The following HEATR4 variants were observed in gnomAD, a reference collection of about 807,000 sequenced individuals.
HEATR4 encodes HEAT repeat-containing protein 4.
In HEATR4, 95 loss-of-function variants were observed where a neutral mutation model predicts 108.8. The observed-to-expected ratio is 0.87, with a 90% CI of 0.74 to 1.04. The LOEUF (loss-of-function observed/expected upper bound fraction) is 1.04, where lower values mean the gene tolerates loss of function less well. Ranked by LOEUF, HEATR4 falls within the 50% of genes least tolerant of loss-of-function variation. The probability of loss-of-function intolerance (pLI) is 0.00; values close to 1 mark genes in which losing one functional copy is unlikely to be tolerated. For synonymous variants in HEATR4, 443 were observed against 459.4 expected (o/e 0.96, Z 0.46); for missense variants, 1,152 against 1,253.8 (o/e 0.92, Z 1.23).
the HEATR4 span, chr14:73,581,179 C>T: frequency 1.4e-5 from 2 of 147,972 alleles, no homozygotes; most frequent in Non-Finnish European, 3.0e-5. Context: ...TTAGTCTCTT[C>T]AACTGCTGTA....
intron 17 of HEATR4, among the ~76,000 whole-genome samples, chr14:73,487,443 G>C (rs1885495578): frequency 6.6e-6 from 1 of 152,286 alleles, no homozygotes; most frequent in East Asian, 1.9e-4. Context: ...GGGGGTGCCT[G>C]TAATCCCAGC....
chr14:73,495,971 T>C (rs1376854864), intron 15 of HEATR4, among the ~76,000 whole-genome samples: 1 of 151,976 alleles, frequency 6.6e-6, no homozygotes, highest in African/African-American at 2.4e-5. Context: ...CCACTAAAAA[T>C]ACAAAAAAAT....
the HEATR4 span, among the ~76,000 whole-genome samples, chr14:73,608,915 G>C: frequency 6.6e-6 from 1 of 152,128 alleles, no homozygotes; most frequent in Admixed American, 6.6e-5. Context: ...CTGAGCAAAA[G>C]GGGGAAAGCC....
At chr14:73,511,460 A>G (rs565724082) in intron 7 of HEATR4, among the ~76,000 whole-genome samples, 2 of 152,076 alleles carry the variant, frequency 1.3e-5, no homozygotes, top group East Asian at 1.9e-4. Flanking sequence ...TGGAGGTTGC[A>G]GTGAGCAGAG....
chr14:73,559,019 G>A (rs1170640092), upstream of HEATR4: 4 of 151,872 alleles, frequency 2.6e-5, no homozygotes, highest in Admixed American at 1.3e-4. Flanking sequence ...GAACTTGTGG[G>A]TTCAGTCGGG....
At chr14:73,491,961 T>C (rs1482069448) in intron 17 of HEATR4, 1 of 1,613,938 alleles carries the variant, frequency 6.2e-7, no homozygotes, top group Non-Finnish European at 8.5e-7. Flanking sequence ...TTGGCTGTGC[T>C]TCAAGAGCAG....
At chr14:73,562,763 G>A (rs569403380), upstream of HEATR4, among the ~76,000 whole-genome samples, 2 of 152,072 alleles carry the variant, frequency 1.3e-5, no homozygotes, top group Admixed American at 1.3e-4. Flanking sequence ...GGCTTACTAG[G>A]GTTGGGAAAA....
At chr14:73,592,469 T>G in the HEATR4 span, 1 of 1,446,638 alleles carries the variant, frequency 6.9e-7, no homozygotes. Context: ...GAGTCTCCGT[T>G]TGTTTCCAGT....
At chr14:73,583,870 C>CCG in the HEATR4 span, among the ~76,000 whole-genome samples, 1 of 151,024 alleles carries the variant, frequency 6.6e-6, no homozygotes, top group African/African-American at 2.4e-5. Context: ...TGTGGTGGTG[C>CCG]GCACCTGTAG....
chr14:73,606,490 C>T, the HEATR4 span, among the ~76,000 whole-genome samples: 1 of 152,162 alleles, frequency 6.6e-6, no homozygotes, highest in African/African-American at 2.4e-5. Flanking sequence ...TACTCTTTCT[C>T]TATTGCAAAT....
At chr14:73,553,400 A>G (rs1889351201) in intron 1 of HEATR4, among the ~76,000 whole-genome samples, 1 of 112,478 alleles carries the variant, frequency 8.9e-6, no homozygotes, top group African/African-American at 2.9e-5. Flanking sequence ...AATCCCAGCT[A>G]CGGGGGAGGC....
At chr14:73,611,876 G>A in the HEATR4 span, among the ~76,000 whole-genome samples, 19 of 152,018 alleles carry the variant, frequency 1.2e-4, no homozygotes, top group African/African-American at 4.3e-4. Flanking sequence ...GGTAAAGGAC[G>A]GATTACGACC....
At chr14:73,503,078 T>C (rs1014137291) in intron 10 of HEATR4, 65 bp from the exon 11 acceptor site, 7 of 1,322,644 alleles carry the variant, frequency 5.3e-6, no homozygotes, top group Non-Finnish European at 7.6e-6. Flanking sequence ...CTTGGCGTTG[T>C]GCTGTTTTTT....
chr14:73,595,791 G>A, the HEATR4 span: 1 of 1,124,820 alleles, frequency 8.9e-7, no homozygotes, highest in Non-Finnish European at 1.2e-6. Flanking sequence ...TAACTTTGTT[G>A]AATAAGCTTT....
At chr14:73,601,239 T>C in the HEATR4 span, among the ~76,000 whole-genome samples, 1 of 152,082 alleles carries the variant, frequency 6.6e-6, no homozygotes, top group Non-Finnish European at 1.5e-5. Flanking sequence ...TTCCCAAAAA[T>C]ATGGATTTGA....
In HEATR4 at chr14:73,500,658, C is replaced by T. The variant is rs752089743; in HGVS notation, c.2178G>A (p.Met726Ile). 6.2e-7 allele frequency: 1 copy of T among 1,614,196 alleles called. No individual in the cohort carries two copies. The highest frequency in any genetic ancestry group is 1.7e-4 in the Middle Eastern group (1 of 6,060). Residue 726 changes from methionine (M) to isoleucine (I), a missense_variant, in exon 12 of 18, where the codon ATG (methionine) becomes ATA (isoleucine). Met to Ile is a conservative substitution (Grantham distance 10, BLOSUM62 1). Transcript: ENST00000553558. ...ALYLIGELKL[M>I]TAKLLPSFLH... ...GGAAGCTTGGGAGAAGCTTGGCGGT[C>T]ATAAGCTTGAGCTCACCTATCAGGT...
chr14:73,572,632 T>C, the HEATR4 span, among the ~76,000 whole-genome samples: 2 of 74,996 alleles, frequency 2.7e-5, no homozygotes, highest in Non-Finnish European at 4.6e-5. Context: ...GCCTGTAAGG[T>C]GTTTGCATTT....
chr14:73,597,591 C>CTTTTTTTTTTTTTTTTTTT, the HEATR4 span, among the ~76,000 whole-genome samples: 2 of 98,206 alleles, frequency 2.0e-5, no homozygotes, highest in African/African-American at 3.8e-5. Flanking sequence ...TTTTTCTTTT[C>CTTTTTTTTTTTTTTTTTTT]TTTTTTTTTT....
chr14:73,604,164 C>CTT, the HEATR4 span, among the ~76,000 whole-genome samples: 4 of 120,778 alleles, frequency 3.3e-5, no homozygotes, highest in Admixed American at 9.9e-5. Flanking sequence ...TTGCTAATTT[C>CTT]TTTTTTTTTT....
Sources: allele counts gnomAD v4.1 joint callset (sites outside exome capture counted in the v4.1 genomes callset), GRCh38; gene constraint gnomAD v4.1.1; transcripts MANE v1.5; gene names NCBI Gene and HGNC (gene_info 2026-07-23, HGNC 2026-07-21).